The following SHTN1 variants were observed in gnomAD, a reference collection of about 807,000 sequenced individuals.
SHTN1 encodes shootin 1.
Under a neutral mutation model 83.1 loss-of-function variants are expected in SHTN1, and 42 were observed. That is an observed-to-expected ratio of 0.51 (90% CI 0.39 to 0.65). The LOEUF is 0.65. SHTN1 is among the 30% of genes least tolerant of loss of function. The pLI, the probability that SHTN1 is intolerant of heterozygous loss-of-function variation, is 0.00. For missense variants in SHTN1, 622 were observed against 737.8 expected (o/e 0.84, Z 1.82); for synonymous variants, 224 against 247.7 (o/e 0.90, Z 0.90).
At chr10:117,114,926 C>T (rs1472534450) in intron 1 of SHTN1, among the ~76,000 whole-genome samples, 6 of 152,162 alleles carry the variant, frequency 3.9e-5, no homozygotes, top group Non-Finnish European at 8.8e-5. Context: ...GTCAGGAGGA[C>T]CGGGTTCTAG....
upstream of SHTN1, among the ~76,000 whole-genome samples, chr10:117,007,018 T>A (rs1852027487): frequency 6.6e-6 from 1 of 152,118 alleles, no homozygotes; most frequent in African/African-American, 2.4e-5. Context: ...CATAGTATTT[T>A]TTAATACAGT....
At chr10:116,998,465 T>C (rs960476880) in intron 1 of SHTN1, among the ~76,000 whole-genome samples, 1 of 152,210 alleles carries the variant, frequency 6.6e-6, no homozygotes, top group Admixed American at 6.5e-5. Context: ...CTTATTACAG[T>C]ATATTGTTAT....
intron 10 of SHTN1, 24 bp downstream of exon 10, chr10:116,929,825 T>TA: frequency 6.4e-7 from 1 of 1,558,598 alleles, no homozygotes; most frequent in Non-Finnish European, 8.7e-7. Context: ...TAGTAAGACA[T>TA]AGTAGCCTAC....
chr10:116,902,449 G>A (rs1847781996), intron 15 of SHTN1, among the ~76,000 whole-genome samples: 1 of 152,176 alleles, frequency 6.6e-6, no homozygotes, highest in African/African-American at 2.4e-5. Context: ...TAATGTGAAT[G>A]AGAAGTAAGT....
intron 8 of SHTN1, among the ~76,000 whole-genome samples, chr10:116,942,395 T>C (rs189687779): frequency 1.3e-5 from 2 of 152,200 alleles, no homozygotes; most frequent in African/African-American, 4.8e-5. Flanking sequence ...GTATTTTTAG[T>C]AGAGATGGGG....
At chr10:116,917,650 A>G (rs1256981957) in intron 12 of SHTN1, among the ~76,000 whole-genome samples, 1 of 152,222 alleles carries the variant, frequency 6.6e-6, no homozygotes, top group Non-Finnish European at 1.5e-5. Flanking sequence ...TGCACCATAC[A>G]AAAACTAATT....
upstream of SHTN1, among the ~76,000 whole-genome samples, chr10:117,005,896 G>A (rs1564928297): frequency 6.6e-6 from 1 of 152,196 alleles, no homozygotes; most frequent in Non-Finnish European, 1.5e-5. Context: ...CTTTAGAGAG[G>A]GTGCCACTGC....
intron 1 of SHTN1, among the ~76,000 whole-genome samples, chr10:117,113,280 AG>A (rs1324787334): frequency 2.6e-5 from 4 of 152,186 alleles, no homozygotes; most frequent in Admixed American, 2.0e-4. Flanking sequence ...TGCCCTAGAG[AG>A]GGAAAAGGTG....
At chr10:117,061,311 C>A (rs1297251063) in intron 1 of SHTN1, among the ~76,000 whole-genome samples, 1 of 151,364 alleles carries the variant, frequency 6.6e-6, no homozygotes, top group East Asian at 2.0e-4. Context: ...ATTCTCCTGC[C>A]TCAGCCTCCC....
intron 1 of SHTN1, chr10:117,048,627 C>G (rs531275470): frequency 4.4e-6 from 1 of 225,966 alleles, no homozygotes; most frequent in South Asian, 1.6e-4. Flanking sequence ...CCAATTATAA[C>G]TAGTTATTCT....
intron 1 of SHTN1, among the ~76,000 whole-genome samples, chr10:117,114,687 G>A (rs1840522187): frequency 6.6e-6 from 1 of 152,132 alleles, no homozygotes; most frequent in Non-Finnish European, 1.5e-5. Flanking sequence ...GCTCACATTA[G>A]AGCAGTCACT....
At chr10:117,079,017 T>C (rs1191093821) in intron 1 of SHTN1, among the ~76,000 whole-genome samples, 2 of 26,212 alleles carry the variant, frequency 7.6e-5, no homozygotes, top group South Asian at 2.7e-3. Flanking sequence ...GGCTAGAGAT[T>C]TGTGAATTTT....
At position 116,985,286 on chromosome 10, in the gene SHTN1, C is replaced by T. The variant is rs143200510; in HGVS notation, c.59-5978G>A. ...GGCAAAACAATCCAAATATTAACGT[C>T]CCCATTTTACAAACAAAGACACAAA... On this transcript the variant is annotated intron_variant, in intron 1 of 16. Coordinates refer to ENST00000355371, the MANE Select transcript of SHTN1 (RefSeq NM_001127211.3). Among the ~76,000 whole-genome samples, 793 of 152,210 alleles carry T rather than the reference C, an allele frequency of 5.2e-3. 10 individuals are homozygous for T. Among genetic ancestry groups the T allele is most frequent in the African/African-American group, 0.018 (756 of 41,514 alleles).
intron 8 of SHTN1, among the ~76,000 whole-genome samples, chr10:116,943,300 T>C (rs1183772880): frequency 1.3e-5 from 2 of 152,232 alleles, no homozygotes; most frequent in African/African-American, 2.4e-5. Context: ...TGCTACCACA[T>C]GGCCTTCAAG....
chr10:116,900,552 G>C, intron 16 of SHTN1: 1 of 1,534,350 alleles, frequency 6.5e-7, no homozygotes, highest in Non-Finnish European at 8.7e-7. Context: ...TGTGTAAAAT[G>C]GTAAAGGAGA....
At chr10:116,995,442 T>G (rs1288469287) in intron 1 of SHTN1, among the ~76,000 whole-genome samples, 1 of 152,180 alleles carries the variant, frequency 6.6e-6, no homozygotes, top group African/African-American at 2.4e-5. Flanking sequence ...CACTACTGAT[T>G]CTTTTATTTT....
chr10:116,897,617 G>T (rs1474219176), intron 16 of SHTN1, among the ~76,000 whole-genome samples: 6 of 152,202 alleles, frequency 3.9e-5, no homozygotes. Flanking sequence ...TGTAAGATAA[G>T]ATAGGAAAGG....
chr10:116,921,368 CA>C, intron 12 of SHTN1, 65 bp downstream of exon 12: 1 of 1,149,774 alleles, frequency 8.7e-7, no homozygotes. Context: ...AAGAACTTAA[CA>C]AATATGTGAA....
chr10:116,996,042 T>C (rs1358624922), intron 1 of SHTN1, among the ~76,000 whole-genome samples: 2 of 152,354 alleles, frequency 1.3e-5, no homozygotes, highest in South Asian at 2.1e-4. Context: ...AGGGCTTACA[T>C]AGTCAATCAC....
Sources: gnomAD v4.1 joint callset for allele counts (sites outside exome capture counted in the v4.1 genomes callset) on GRCh38, gnomAD v4.1.1 for gene constraint, MANE v1.5 for transcripts, NCBI Gene and HGNC (gene_info 2026-07-23, HGNC 2026-07-21) for gene names.